Variants in SPINK5 observed in about 807,000 individuals in gnomAD.
SPINK5 encodes serine protease inhibitor Kazal-type 5.
In SPINK5, 125 loss-of-function variants were observed where a neutral mutation model predicts 151.8. The ratio of observed to expected loss-of-function variants is 0.82; its 90% CI spans 0.71 to 0.96. The LOEUF (loss-of-function observed/expected upper bound fraction) is 0.96. Ranked by LOEUF, SPINK5 falls within the 40% of genes least tolerant of loss-of-function variation. The probability of loss-of-function intolerance (pLI) is 0.00; values close to 1 mark genes in which losing one functional copy is unlikely to be tolerated. For missense variants in SPINK5, 1,194 were observed against 1,291.9 expected, an observed-to-expected ratio of 0.92 and a Z score of 1.16; for synonymous variants, 374 against 395.3, an observed-to-expected ratio of 0.95 and a Z score of 0.64.
intron 29 of SPINK5, 105 bp downstream of exon 29, chr5:148,125,955 A>C: frequency 6.5e-7 from 1 of 1,541,588 alleles, no homozygotes; most frequent in South Asian, 1.1e-5. Flanking sequence ...TGGGATTTTA[A>C]AAATAAGTCT....
intron 11 of SPINK5, among the ~76,000 whole-genome samples, chr5:148,098,747 C>T (rs747839528): frequency 5.3e-5 from 8 of 151,700 alleles, no homozygotes; most frequent in Non-Finnish European, 8.8e-5. Flanking sequence ...AGCTAGGGTA[C>T]ACATGGTGTG....
chr5:148,126,991 A>G lies in SPINK5; in HGVS notation c.2876A>G (p.Glu959Gly), dbSNP rs1754448508. 1 of 1,612,204 alleles carries G rather than the reference A, an allele frequency of 6.2e-7. No individual in the cohort carries two copies. Among genetic ancestry groups the G allele is most frequent in the Non-Finnish European group, 8.5e-7 (1 of 1,179,046 alleles). The stretch of plus-strand genomic sequence containing the variant: ...TTTATTTTCTTCTCTAGTCTAACAG[A>G]AGCTTTGGAAAGGGCAAAGCTTCAA... ...CYMCRAVFLT[E>G]ALERAKLQEK... The change falls in exon 30 of 33, where the codon GAA becomes GGA. Residue 959 changes from glutamate to glycine, a missense_variant. By Grantham distance (98) the Glu-to-Gly change is moderately conservative. Transcript: ENST00000256084.
At chr5:148,067,026 G>A (rs12514503) in intron 2 of SPINK5, among the ~76,000 whole-genome samples, 71,210 of 151,950 alleles carry the variant, frequency 0.47, 17,353 homozygotes, top group Admixed American at 0.59. Context: ...TAGTAGCTTG[G>A]GTTCCTTTCA....
chr5:148,078,460 G>A (rs980476022), intron 4 of SPINK5, among the ~76,000 whole-genome samples: 1 of 151,026 alleles, frequency 6.6e-6, no homozygotes, highest in African/African-American at 2.4e-5. Flanking sequence ...AATATAGACA[G>A]TGCTTCTCCG....
intron 4 of SPINK5, among the ~76,000 whole-genome samples, chr5:148,080,424 T>A (rs1328802857): frequency 2.0e-5 from 3 of 151,280 alleles, no homozygotes; most frequent in African/African-American, 7.3e-5. Context: ...ATTGAGACAT[T>A]TAACAGTAAC....
intron 24 of SPINK5, among the ~76,000 whole-genome samples, chr5:148,119,288 GTTTA>G (rs1171655958): frequency 1.3e-5 from 2 of 152,068 alleles, no homozygotes; most frequent in Non-Finnish European, 2.9e-5. Flanking sequence ...ATAAATTACA[GTTTA>G]TTTAATTATT....
rs1554101970 is a variant in SPINK5, at chr5:148,068,578, A to AAAAGAAAGAAAG, written c.82-1733_82-1722dup. On this transcript the variant is annotated intron_variant, in intron 2 of 32. Coordinates refer to ENST00000256084, the MANE Select transcript of SPINK5 (RefSeq NM_006846.4). ...CCAAAAAAAAAAAAAAAAAAAAAAA[A>AAAAGAAAGAAAG]AAAGAAAGAAAGAAAGAAAGAAAAA... Among the ~76,000 whole-genome samples the AAAAGAAAGAAAG allele has an allele frequency of 4.1e-3, 306 of 74,336 alleles. 5 individuals carry two copies. The highest frequency in any genetic ancestry group is 0.017 in the African/African-American group (244 of 14,764). The allele number at this position is 74,336 out of a possible 152,430, so 48.8% of individuals were successfully genotyped here.
At position 148,136,675 on chromosome 5, in the gene SPINK5, T is replaced by C. The variant is rs572203517; in HGVS notation, c.3187-308T>C. Among the ~76,000 whole-genome samples the C allele has an allele frequency of 2.3e-3, 353 of 152,274 alleles. 2 individuals are homozygous for C. Among genetic ancestry groups the C allele is most frequent in the Non-Finnish European group, 4.7e-3 (322 of 68,024 alleles). On this transcript the variant is annotated intron_variant, in intron 32 of 32. Coordinates refer to ENST00000256084, the MANE Select transcript of SPINK5 (RefSeq NM_006846.4). ...GTTACTAAACTTCTCTGAAGCTCAA[T>C]TTCCTCATCTGCAAAATGGTGCTAA...
intron 17 of SPINK5, among the ~76,000 whole-genome samples, chr5:148,108,211 C>A (rs1177414195): frequency 2.6e-5 from 4 of 152,162 alleles, no homozygotes; most frequent in Non-Finnish European, 5.9e-5. Context: ...TTGTGTTCAA[C>A]CCCCAAAGAT....
intron 5 of SPINK5, among the ~76,000 whole-genome samples, chr5:148,087,275 G>T: frequency 6.6e-6 from 1 of 151,682 alleles, no homozygotes; most frequent in Non-Finnish European, 1.5e-5. Flanking sequence ...GTTATCAATT[G>T]TCTTCACCAA....
In SPINK5 at chr5:148,070,423, A is replaced by G. The variant is rs377031902; in HGVS notation, c.182A>G (p.Asn61Ser). The G allele has an allele frequency of 5.1e-5, 82 of 1,612,688 alleles. No homozygotes were observed. Among genetic ancestry groups the G allele is most frequent in the Non-Finnish European group, 7.0e-5 (82 of 1,179,212 alleles). ...AGTCTTGATGGAATAATGTTCATCA[A>G]TAAATGTGCCACGTGCAAAATGATA... Reference protein sequence around the residue: ...FQSLDGIMFINKCATCKMILE... With the variant: ...FQSLDGIMFISKCATCKMILE... The change falls in exon 3 of 33, where the codon AAT (asparagine) becomes AGT (serine). Residue 61 changes from asparagine to serine, a missense_variant. Asn to Ser is a conservative substitution (Grantham distance 46). Coordinates refer to ENST00000256084, the MANE Select transcript of SPINK5 (RefSeq NM_006846.4).
At chr5:148,112,078 A>G (rs1484066077) in intron 19 of SPINK5, among the ~76,000 whole-genome samples, 183 bp downstream of exon 19, 5 of 152,212 alleles carry the variant, frequency 3.3e-5, no homozygotes, top group Admixed American at 6.5e-5. Flanking sequence ...GTGTTCTTCA[A>G]TAGTCTGAGA....
chr5:148,123,915 A>G lies in SPINK5; in HGVS notation c.2621A>G (p.Tyr874Cys), dbSNP rs1230533651. 3 of 1,614,062 alleles carry G rather than the reference A, an allele frequency of 1.9e-6. No individual in the cohort carries two copies. The highest frequency in any genetic ancestry group is 2.5e-6 in the Non-Finnish European group (3 of 1,179,984). The change falls in exon 27 of 33, where the codon TAT becomes TGT. Residue 874 changes from tyrosine to cysteine, a missense_variant. Physicochemically the swap from Tyr to Cys is radical, Grantham distance 194. Coordinates refer to ENST00000256084, the MANE Select transcript of SPINK5 (RefSeq NM_006846.4). ...GAAAATAACCCTGTTCGAGGCCCAT[A>G]TGGCAAGATGCACATCAATAAATGT... Reference protein sequence around the residue: ...TRENNPVRGPYGKMHINKCAM... With the variant: ...TRENNPVRGPCGKMHINKCAM...
intron 4 of SPINK5, 104 bp downstream of exon 4, chr5:148,072,324 C>T (rs1752761566): frequency 2.4e-6 from 3 of 1,236,540 alleles, no homozygotes; most frequent in African/African-American, 1.5e-5. Context: ...TGTTTTGAAG[C>T]CAACAACTTA....
At position 148,083,992 on chromosome 5, in the gene SPINK5, C is replaced by G. The variant is rs181203326; in HGVS notation, c.283-2413C>G. ...ATATTTTCCATATACAAAATTTCCA[C>G]TTTGTTCTTCCTTTATAACTTCTTT... On this transcript the variant is annotated intron_variant, in intron 4 of 32. Transcript: ENST00000256084. Among the ~76,000 whole-genome samples the G allele has an allele frequency of 3.5e-4, 53 of 151,894 alleles. 2 individuals are homozygous for G. Among genetic ancestry groups the G allele is most frequent in the Admixed American group, 2.9e-3 (44 of 15,238 alleles).
Position 148,097,916 on chromosome 5 carries a change from G to C in SPINK5, c.932G>C (p.Cys311Ser). The C allele has an allele frequency of 6.2e-7, 1 of 1,612,236 alleles. No homozygotes were observed. Among genetic ancestry groups the C allele is most frequent in the African/African-American group, 1.3e-5 (1 of 74,916 alleles). ...QNQAKNGILF[C>S]TRENDPIRGP... ...CAGGCAAAGAATGGAATACTTTTCT[G>C]TACCAGAGAAAATGACCCTATTCGT... Residue 311 changes from cysteine to serine, a missense_variant, in exon 11 of 33, where the codon TGT becomes TCT. Coordinates refer to ENST00000256084, the MANE Select transcript of SPINK5 (RefSeq NM_006846.4).
chr5:148,127,468 G>GT (rs1300448143), intron 30 of SPINK5, among the ~76,000 whole-genome samples: 1 of 152,074 alleles, frequency 6.6e-6, no homozygotes, highest in African/African-American at 2.4e-5. Context: ...AACCAAATCT[G>GT]TTTCTACATC....
intron 32 of SPINK5, among the ~76,000 whole-genome samples, chr5:148,135,949 T>TACAA: frequency 6.6e-6 from 1 of 152,180 alleles, no homozygotes; most frequent in Non-Finnish European, 1.5e-5. Flanking sequence ...GAGTTTTATG[T>TACAA]ACATTTTCTG....
rs771934297 is a variant in SPINK5 at position 148,099,255 on chromosome 5, G to A, written c.1032G>A (p.Lys344=). Residue 344 remains lysine (K), a synonymous_variant, in exon 12 of 33, where the codon AAG becomes AAA. Coordinates refer to ENST00000256084, the MANE Select transcript of SPINK5 (RefSeq NM_006846.4). Reference sequence around the variant, plus strand: ...TCAGCCAAGCAGAAAATGAAGAAAAGAAAAAGGCTGAAGCACGAGCTAGAA... The same window carrying A: ...TCAGCCAAGCAGAAAATGAAGAAAAAAAAAAGGCTGAAGCACGAGCTAGAA... ...QAYFQAENEE[K]KKAEARARNK... 1.9e-6 allele frequency: 3 copies of A among 1,611,232 alleles called. No individual in the cohort carries two copies. Among genetic ancestry groups the A allele is most frequent in the Non-Finnish European group, 2.5e-6 (3 of 1,178,518 alleles).
Sources: allele counts gnomAD v4.1 joint callset (sites outside exome capture counted in the v4.1 genomes callset), GRCh38; gene constraint gnomAD v4.1.1; transcripts MANE v1.5; gene names NCBI Gene and HGNC (gene_info 2026-07-23, HGNC 2026-07-21).